The following ADGRV1 variants were observed in gnomAD, a reference collection of about 807,000 sequenced individuals.
ADGRV1 encodes the protein G-protein coupled receptor 98.
In ADGRV1, 359 loss-of-function variants were observed where a neutral mutation model predicts 596.2. That is an observed-to-expected ratio of 0.60 (90% confidence interval 0.55 to 0.66). The LOEUF (loss-of-function observed/expected upper bound fraction) is 0.66, where lower values mean the gene tolerates loss of function less well. Among genes scored for constraint, ADGRV1 ranks in the 30% least tolerant of loss-of-function variants. ADGRV1 has a pLI of 0.00. For missense variants in ADGRV1, 7,274 were observed against 7,575.6 expected, an observed-to-expected ratio of 0.96 and a Z score of 1.48; for synonymous variants, 2,681 against 2,679.2, an observed-to-expected ratio of 1.00 and a Z score of -0.02.
intron 83 of ADGRV1, among the ~76,000 whole-genome samples, chr5:90,902,595 A>G (rs1011119934): frequency 3.3e-5 from 5 of 152,132 alleles, no homozygotes; most frequent in African/African-American, 1.2e-4. Flanking sequence ...GATTGTTAGC[A>G]CCTAGAGGGC....
At chr5:90,914,408 C>T (rs899045346) in intron 83 of ADGRV1, among the ~76,000 whole-genome samples, 4 of 152,120 alleles carry the variant, frequency 2.6e-5, no homozygotes, top group African/African-American at 7.2e-5. Context: ...GAATGAGATA[C>T]TCTTCTTGTC....
chr5:90,928,145 A>G (rs961412389), intron 83 of ADGRV1, among the ~76,000 whole-genome samples: 13 of 152,132 alleles, frequency 8.5e-5, no homozygotes, highest in Admixed American at 2.0e-4. Flanking sequence ...TCTTTGTGGC[A>G]TTCTCTGTAT....
At chr5:90,726,653 ATGTGTGTGTGTG>A (rs55927110) in intron 48 of ADGRV1, among the ~76,000 whole-genome samples, 1 of 147,596 alleles carries the variant, frequency 6.8e-6, no homozygotes, top group East Asian at 2.0e-4. Flanking sequence ...CTCTCTGGGT[ATGTGTGTGTGTG>A]TGTGTGTGTG....
At chr5:90,681,883 T>A (rs1744995080) in intron 27 of ADGRV1, among the ~76,000 whole-genome samples, 1 of 150,840 alleles carries the variant, frequency 6.6e-6, no homozygotes, top group Admixed American at 6.6e-5. Context: ...TCTTTCTTTT[T>A]TCGAGACGGA....
intron 83 of ADGRV1, among the ~76,000 whole-genome samples, chr5:90,898,943 C>A (rs1771579078): frequency 6.6e-6 from 1 of 151,828 alleles, no homozygotes; most frequent in Non-Finnish European, 1.5e-5. Context: ...GAGACCCTGT[C>A]TCTAAAAAAA....
intron 85 of ADGRV1, among the ~76,000 whole-genome samples, chr5:91,016,113 T>C (rs1783150032): frequency 6.6e-6 from 1 of 152,012 alleles, no homozygotes; most frequent in African/African-American, 2.4e-5. Flanking sequence ...TTCTCCTTTA[T>C]GTAGGAAGCT....
At chr5:91,027,144 A>AACACACACAC (rs1184010778) in intron 85 of ADGRV1, among the ~76,000 whole-genome samples, 13,115 of 129,012 alleles carry the variant, frequency 0.1, 798 homozygotes, top group South Asian at 0.13. Flanking sequence ...ACAGTCTCAA[A>AACACACACAC]ACACACACAC....
chr5:91,147,504 G>T (rs868079718), intron 87 of ADGRV1, among the ~76,000 whole-genome samples: 72 of 152,266 alleles, frequency 4.7e-4, no homozygotes, highest in African/African-American at 1.6e-3. Flanking sequence ...GATAATGAGT[G>T]CATCTCATTA....
chr5:91,150,712 C>T (rs1350410551), intron 88 of ADGRV1, among the ~76,000 whole-genome samples: 2 of 152,220 alleles, frequency 1.3e-5, no homozygotes, highest in East Asian at 1.9e-4. Flanking sequence ...TTTCAATTTA[C>T]ATACCAGAAA....
At chr5:90,716,979 G>C in intron 43 of ADGRV1, 1 of 268,908 alleles carries the variant, frequency 3.7e-6, no homozygotes, top group Non-Finnish European at 7.0e-6. Context: ...TATATGTATG[G>C]CTATTTTAAA....
chr5:90,825,305 C>T (rs1288235544), intron 76 of ADGRV1, among the ~76,000 whole-genome samples: 1 of 152,148 alleles, frequency 6.6e-6, no homozygotes, highest in Non-Finnish European at 1.5e-5. Flanking sequence ...TCCCATGAAA[C>T]CTCTAGTTGG....
chr5:91,069,373 A>T lies in ADGRV1; in HGVS notation c.18153-3074A>T, dbSNP rs1788172723. Among the ~76,000 whole-genome samples the T allele has an allele frequency of 3.9e-5, 6 of 152,364 alleles. No individual in the cohort carries two copies. The South Asian group carries it at 1.0e-3, about 26-fold the overall frequency. ...CAAACCATACATCTGACAAAGGTCT[A>T]ATATCCAGAATGTATGAGGAACGTA... is the stretch of plus-strand genomic sequence containing the variant. On this transcript the variant is annotated intron_variant, in intron 85 of 89. Transcript: ENST00000405460.
At chr5:91,139,682 T>A (rs1442131871) in intron 87 of ADGRV1, among the ~76,000 whole-genome samples, 2 of 152,200 alleles carry the variant, frequency 1.3e-5, no homozygotes, top group African/African-American at 2.4e-5. Context: ...ACTGGCTGAT[T>A]TAATGGACCA....
At chr5:90,786,128 T>C (rs1759415034) in intron 67 of ADGRV1, among the ~76,000 whole-genome samples, 1 of 152,068 alleles carries the variant, frequency 6.6e-6, no homozygotes, top group African/African-American at 2.4e-5. Context: ...GAAACCATCA[T>C]TCTCAGCAAA....
chr5:90,766,426 G>C (rs1757154829), intron 59 of ADGRV1, among the ~76,000 whole-genome samples: 1 of 152,110 alleles, frequency 6.6e-6, no homozygotes, highest in African/African-American at 2.4e-5. Flanking sequence ...TATTCTGACT[G>C]TGGAGAACTT....
rs756074339 is a variant in ADGRV1 at position 90,840,653 on chromosome 5, G to A, written c.16687G>A (p.Glu5563Lys). The change falls in exon 78 of 90, where the codon GAA becomes AAA. Residue 5563 changes from glutamate to lysine, a missense_variant. Coordinates refer to ENST00000405460, the MANE Select transcript of ADGRV1 (RefSeq NM_032119.4). ...AISGKDFVIT[E>K]GTLVFEPGQR... ...TTCTGGAAAGGATTTTGTGATAACT[G>A]AAGGCACATTGGTCTTTGAACCTGG... 1 of 1,613,914 alleles carries A rather than the reference G, an allele frequency of 6.2e-7. No homozygotes were observed. The highest frequency in any genetic ancestry group is 1.1e-5 in the South Asian group (1 of 91,072).
chr5:90,980,499 AATGAC>A (rs1779992632), intron 84 of ADGRV1, among the ~76,000 whole-genome samples: 1 of 152,216 alleles, frequency 6.6e-6, no homozygotes, highest in Non-Finnish European at 1.5e-5. Flanking sequence ...TTCGGCTAAA[AATGAC>A]ATGACTACAT....
intron 33 of ADGRV1, among the ~76,000 whole-genome samples, chr5:90,696,534 C>T (rs1320795711): frequency 6.6e-6 from 1 of 152,046 alleles, no homozygotes; most frequent in Admixed American, 6.6e-5. Flanking sequence ...AAAATTATCA[C>T]AGTAATGCCA....
intron 84 of ADGRV1, among the ~76,000 whole-genome samples, chr5:90,975,384 A>G (rs1434001066): frequency 4.6e-5 from 7 of 152,204 alleles, no homozygotes; most frequent in Non-Finnish European, 8.8e-5. Context: ...TCATGCTGCT[A>G]TAAAGACACA....
Sources: allele counts gnomAD v4.1 joint callset (sites outside exome capture counted in the v4.1 genomes callset), GRCh38; gene constraint gnomAD v4.1.1; transcripts MANE v1.5; gene names NCBI Gene and HGNC (gene_info 2026-07-23, HGNC 2026-07-21).